ZNF385D: variants seen among roughly 807,000 people sequenced by gnomAD.
ZNF385D encodes the protein zinc finger protein 385D.
A neutral mutation model predicts 35.8 loss-of-function variants in ZNF385D; 15 were observed. The ratio of observed to expected loss-of-function variants is 0.42; its 90% CI spans 0.28 to 0.64. ZNF385D has a LOEUF of 0.64. ZNF385D is among the 30% of genes least tolerant of loss of function. ZNF385D has a pLI of 0.23. For missense variants in ZNF385D, 474 were observed against 494.6 expected, an observed-to-expected ratio of 0.96 and a Z score of 0.39; for synonymous variants, 212 against 186.8, an observed-to-expected ratio of 1.13 and a Z score of -1.10.
At chr3:22,249,730 A>G (rs1303521330) in intron 2 of ZNF385D, among the ~76,000 whole-genome samples, 1 of 152,192 alleles carries the variant, frequency 6.6e-6, no homozygotes, top group Non-Finnish European at 1.5e-5. Context: ...AAATGTGCAA[A>G]TGCACATCAT....
intron 1 of ZNF385D, among the ~76,000 whole-genome samples, chr3:21,738,202 G>A (rs149725003): frequency 6.6e-6 from 1 of 152,126 alleles, no homozygotes; most frequent in Non-Finnish European, 1.5e-5. Context: ...CTGCTCTATT[G>A]GAATGGTGAG....
rs563763277 is a variant in ZNF385D, at chr3:22,178,006, C to G, written c.107-8971G>C. On this transcript the variant is annotated intron_variant, in intron 2 of 5. Coordinates refer to the ZNF385D transcript ENST00000494108. ...TCATTGTTGGACATTTGGGTTGGTTCCAAGTCTTTGCTATTGTGAATACTG... is the reference window on the plus strand; with the variant it reads ...TCATTGTTGGACATTTGGGTTGGTTGCAAGTCTTTGCTATTGTGAATACTG... Among the ~76,000 whole-genome samples, 44 of 152,268 alleles carry G rather than the reference C, an allele frequency of 2.9e-4. No individual in the cohort carries two copies. The East Asian group carries it at 3.1e-3, about 11-fold the overall frequency.
chr3:21,971,219 T>A (rs492013), intron 3 of ZNF385D, among the ~76,000 whole-genome samples: 1 of 151,952 alleles, frequency 6.6e-6, no homozygotes, highest in Admixed American at 6.6e-5. Context: ...ATACCCAGAA[T>A]AGAAAGACTA....
intron 3 of ZNF385D, among the ~76,000 whole-genome samples, chr3:21,905,575 G>T (rs2125904643): frequency 6.6e-6 from 1 of 151,998 alleles, no homozygotes; most frequent in African/African-American, 2.4e-5. Context: ...AGCAAATGAT[G>T]GAAGTCCAGA....
intron 2 of ZNF385D, among the ~76,000 whole-genome samples, chr3:22,277,176 A>C (rs1260152085): frequency 6.6e-6 from 1 of 152,150 alleles, no homozygotes; most frequent in Non-Finnish European, 1.5e-5. Flanking sequence ...TAGAGATTTC[A>C]GGGAAGCAGG....
In ZNF385D at chr3:21,415,140, G is replaced by GA. The variant is rs1700544000; in HGVS notation, c.*6073dup. On this transcript the variant is annotated 3_prime_UTR_variant, in exon 8 of 8. Coordinates refer to ENST00000281523, the MANE Select transcript of ZNF385D (RefSeq NM_024697.3). ...CATTGTTTCTCAATAGATTTATGTTGAACAATCCTATTAGTGAGAGACTTT... is the reference window on the plus strand; with the variant it reads ...CATTGTTTCTCAATAGATTTATGTTGAAACAATCCTATTAGTGAGAGACTTT... 1 of 152,004 alleles carries GA rather than the reference G, an allele frequency of 6.6e-6. No individual in the cohort carries two copies. Among genetic ancestry groups the GA allele is most frequent in the African/African-American group, 2.4e-5 (1 of 41,380 alleles). 9.4% of individuals were successfully genotyped at this position (152,004 alleles called of 1,614,324 possible).
intron 3 of ZNF385D, among the ~76,000 whole-genome samples, chr3:21,856,832 C>T (rs1183789901): frequency 6.6e-6 from 1 of 152,050 alleles, no homozygotes; most frequent in Non-Finnish European, 1.5e-5. Context: ...AAGGCAATGT[C>T]CTTAAATTAC....
At chr3:21,793,377 G>A (rs1181388138) in intron 3 of ZNF385D, among the ~76,000 whole-genome samples, 1 of 152,194 alleles carries the variant, frequency 6.6e-6, no homozygotes, top group Non-Finnish European at 1.5e-5. Flanking sequence ...TAGTAATTTT[G>A]ACTACCCATT....
intron 3 of ZNF385D, among the ~76,000 whole-genome samples, chr3:21,766,992 A>G (rs765951145): frequency 7.2e-5 from 11 of 152,070 alleles, no homozygotes; most frequent in Non-Finnish European, 1.6e-4. Flanking sequence ...TAGCTATAAA[A>G]TATAAGGTCT....
intron 2 of ZNF385D, among the ~76,000 whole-genome samples, chr3:22,259,855 A>C (rs908317006): frequency 6.6e-6 from 1 of 151,836 alleles, no homozygotes; most frequent in Non-Finnish European, 1.5e-5. Flanking sequence ...AACTAATACA[A>C]ATGTTGGTTT....
At chr3:21,995,744 C>T (rs1406337140) in intron 3 of ZNF385D, among the ~76,000 whole-genome samples, 1 of 151,804 alleles carries the variant, frequency 6.6e-6, no homozygotes, top group African/African-American at 2.4e-5. Context: ...CCCAAGAGGA[C>T]CATTCTCCAG....
At chr3:22,213,763 G>A (rs955304503) in intron 2 of ZNF385D, among the ~76,000 whole-genome samples, 1 of 151,972 alleles carries the variant, frequency 6.6e-6, no homozygotes, top group Admixed American at 6.6e-5. Context: ...TATCTCATCA[G>A]CACACCAGAA....
At chr3:21,907,619 G>A (rs1321308548) in intron 3 of ZNF385D, among the ~76,000 whole-genome samples, 1 of 152,054 alleles carries the variant, frequency 6.6e-6, no homozygotes, top group South Asian at 2.1e-4. Context: ...CCGTTAAAAG[G>A]AGATACATTA....
chr3:21,724,038 T>C (rs1413022946), intron 1 of ZNF385D, among the ~76,000 whole-genome samples: 4 of 152,056 alleles, frequency 2.6e-5, no homozygotes, highest in South Asian at 2.1e-4. Context: ...GAATTTCATA[T>C]CCAGCCAAAC....
At chr3:22,254,396 G>A (rs1364260963) in intron 2 of ZNF385D, among the ~76,000 whole-genome samples, 1 of 151,762 alleles carries the variant, frequency 6.6e-6, no homozygotes, top group Non-Finnish European at 1.5e-5. Flanking sequence ...ACAGAATCCT[G>A]AAGAAAAAAC....
chr3:22,149,152 G>A (rs1459953735), intron 3 of ZNF385D, among the ~76,000 whole-genome samples: 4 of 152,068 alleles, frequency 2.6e-5, no homozygotes, highest in Non-Finnish European at 4.4e-5. Flanking sequence ...CTGCATTTTA[G>A]ACCCCCGGCT....
chr3:21,669,960 A>G lies in ZNF385D; in HGVS notation c.23-4932T>C, dbSNP rs141997273. Among the ~76,000 whole-genome samples, 513 of 152,280 alleles carry G rather than the reference A, an allele frequency of 3.4e-3. 4 individuals are homozygous for G. Among genetic ancestry groups the G allele is most frequent in the African/African-American group, 0.012 (482 of 41,566 alleles). On this transcript the variant is annotated intron_variant, in intron 1 of 7. Transcript: ENST00000281523. ...TTTTAACCTTGAACTTCTGCACTCA[A>G]TCCATTCAGCATTCGTCAGTCACAG...
At chr3:21,759,870 T>C (rs1461109046) in intron 3 of ZNF385D, among the ~76,000 whole-genome samples, 1 of 152,194 alleles carries the variant, frequency 6.6e-6, no homozygotes, top group Non-Finnish European at 1.5e-5. Flanking sequence ...CATTTTTATA[T>C]ATACTGTGAT....
chr3:22,129,250 A>T (rs1366574833), intron 3 of ZNF385D, among the ~76,000 whole-genome samples: 1 of 152,100 alleles, frequency 6.6e-6, no homozygotes. Flanking sequence ...AAGCATTCCC[A>T]TGGCCACCAC....
Sources: gnomAD v4.1 joint callset for allele counts (sites outside exome capture counted in the v4.1 genomes callset) on GRCh38, gnomAD v4.1.1 for gene constraint, MANE v1.5 for transcripts, NCBI Gene and HGNC (gene_info 2026-07-23, HGNC 2026-07-21) for gene names.